The following AVEN variants were observed in gnomAD, a reference collection of about 807,000 sequenced individuals.
AVEN encodes the protein cell death regulator Aven.
Under a neutral mutation model 38.1 loss-of-function variants are expected in AVEN, and 41 were observed. The ratio of observed to expected loss-of-function variants is 1.08; its 90% CI spans 0.84 to 1.40. AVEN has a LOEUF of 1.40. Ranked by LOEUF, AVEN falls within the 40% of genes most tolerant of loss-of-function variation. AVEN has a pLI of 0.00. For synonymous variants in AVEN, 206 were observed against 171.8 expected, an observed-to-expected ratio of 1.20 and a Z score of -1.56; for missense variants, 605 against 438.8, an observed-to-expected ratio of 1.38 and a Z score of -3.38.
At chr15:33,969,550 AT>A (rs1895537726) in intron 2 of AVEN, among the ~76,000 whole-genome samples, 1 of 152,042 alleles carries the variant, frequency 6.6e-6, no homozygotes. Flanking sequence ...ATTAATAAGC[AT>A]TTTAAATATT....
intron 4 of AVEN, chr15:34,064,282 A>C: frequency 6.2e-7 from 1 of 1,614,014 alleles, no homozygotes; most frequent in Non-Finnish European, 8.5e-7. Context: ...GTGGAAGAGA[A>C]GTTGTACTGG....
At chr15:33,958,384 G>C (rs1895036146) in intron 2 of AVEN, among the ~76,000 whole-genome samples, 1 of 151,880 alleles carries the variant, frequency 6.6e-6, no homozygotes, top group Admixed American at 6.6e-5. Flanking sequence ...GTTCAAGACT[G>C]GCCTGGCCAA....
At chr15:33,932,861 A>AT (rs926939833) in intron 2 of AVEN, among the ~76,000 whole-genome samples, 17 of 151,866 alleles carry the variant, frequency 1.1e-4, no homozygotes, top group Non-Finnish European at 2.4e-4. Flanking sequence ...AAATAAATAA[A>AT]TAAAAATTGT....
At chr15:33,956,753 T>TA (rs759525073) in intron 2 of AVEN, among the ~76,000 whole-genome samples, 5 of 152,156 alleles carry the variant, frequency 3.3e-5, no homozygotes, top group Non-Finnish European at 7.3e-5. Flanking sequence ...TAGAAAAGAG[T>TA]ATGTCTATAA....
At chr15:34,002,015 TCA>T (rs763915543) in intron 2 of AVEN, among the ~76,000 whole-genome samples, 2 of 152,228 alleles carry the variant, frequency 1.3e-5, no homozygotes, top group South Asian at 4.1e-4. Context: ...AATTGCAGAT[TCA>T]CACACAGTTA....
At chr15:33,934,442 G>A (rs1320869779) in intron 2 of AVEN, among the ~76,000 whole-genome samples, 1 of 152,156 alleles carries the variant, frequency 6.6e-6, no homozygotes, top group Non-Finnish European at 1.5e-5. Flanking sequence ...AAGGGAGGAG[G>A]GGAAATATCA....
At chr15:34,072,927 G>A (rs581819) in intron 1 of AVEN, among the ~76,000 whole-genome samples, 149,854 of 151,510 alleles carry the variant, frequency 0.99, 74,129 homozygotes, top group Non-Finnish European at 1. Context: ...GGGATTACAC[G>A]CGTGAGCCAC....
intron 2 of AVEN, among the ~76,000 whole-genome samples, chr15:33,894,821 AATAATAACAATAAT>A (rs769168840): frequency 1.4e-5 from 1 of 70,038 alleles, no homozygotes; most frequent in Non-Finnish European, 2.5e-5. Flanking sequence ...AAAAAAAAAA[AATAATAACAATAAT>A]AATAATAATA....
At chr15:33,961,826 A>G (rs1449383907) in intron 2 of AVEN, among the ~76,000 whole-genome samples, 1 of 150,950 alleles carries the variant, frequency 6.6e-6, no homozygotes, top group African/African-American at 2.4e-5. Context: ...AAAAAAAAAA[A>G]AAAAAAAAAA....
chr15:33,975,490 A>G (rs1277924842), intron 2 of AVEN, among the ~76,000 whole-genome samples: 2 of 152,352 alleles, frequency 1.3e-5, no homozygotes, highest in East Asian at 3.9e-4. Flanking sequence ...AAACATCTAT[A>G]ATTTGGGTTG....
chr15:33,936,333 A>G (rs924472964), intron 2 of AVEN, among the ~76,000 whole-genome samples: 2 of 152,236 alleles, frequency 1.3e-5, no homozygotes, highest in African/African-American at 4.8e-5. Flanking sequence ...CACTAAGGTT[A>G]CTGGATCAGA....
intron 5 of AVEN, among the ~76,000 whole-genome samples, chr15:34,052,485 A>T (rs963465654): frequency 5.3e-5 from 8 of 152,240 alleles, no homozygotes; most frequent in Non-Finnish European, 1.0e-4. Flanking sequence ...TAGTATTCAA[A>T]GTTCTGGCCA....
At chr15:33,932,053 G>A (rs1167172715) in intron 2 of AVEN, among the ~76,000 whole-genome samples, 1 of 152,178 alleles carries the variant, frequency 6.6e-6, no homozygotes, top group Non-Finnish European at 1.5e-5. Context: ...CAGACTTCCA[G>A]CATGTAAAAG....
At chr15:34,057,303 A>ATTTTT (rs59628367) in intron 5 of AVEN, among the ~76,000 whole-genome samples, 97 of 147,338 alleles carry the variant, frequency 6.6e-4, no homozygotes, top group African/African-American at 2.3e-3. Context: ...CGCCCAGCTA[A>ATTTTT]TTTTTTTTTT....
At chr15:33,933,048 A>T (rs1439867926) in intron 2 of AVEN, among the ~76,000 whole-genome samples, 4 of 152,090 alleles carry the variant, frequency 2.6e-5, no homozygotes, top group Non-Finnish European at 5.9e-5. Flanking sequence ...TCCTATTTGG[A>T]TCCCATTCAA....
intron 4 of AVEN, chr15:34,064,430 T>A: frequency 7.8e-7 from 1 of 1,284,926 alleles, no homozygotes; most frequent in Non-Finnish European, 1.1e-6. Flanking sequence ...TTTTGAGTCC[T>A]TGAAGATTTT....
chr15:34,058,595 G>C (rs1286594110), intron 5 of AVEN, among the ~76,000 whole-genome samples: 4 of 63,992 alleles, frequency 6.3e-5, no homozygotes, highest in Admixed American at 1.6e-4. Flanking sequence ...CACACACACA[G>C]CCTGAAGTAA....
chr15:33,961,443 G>A (rs531384968), intron 2 of AVEN, among the ~76,000 whole-genome samples: 21 of 152,142 alleles, frequency 1.4e-4, no homozygotes, highest in East Asian at 5.8e-4. Flanking sequence ...CTAACGTATC[G>A]ACTTTTAACT....
At chr15:33,893,199 A>C (rs887448313) in intron 2 of AVEN, among the ~76,000 whole-genome samples, 8 of 152,156 alleles carry the variant, frequency 5.3e-5, no homozygotes, top group African/African-American at 1.9e-4. Flanking sequence ...TTCCTAACTG[A>C]ATACCCTTTA....
Sources: allele counts gnomAD v4.1 joint callset (sites outside exome capture counted in the v4.1 genomes callset), GRCh38; gene constraint gnomAD v4.1.1; transcripts MANE v1.5; gene names NCBI Gene and HGNC (gene_info 2026-07-23, HGNC 2026-07-21).